Variants in UGGT2 observed in about 807,000 individuals in gnomAD.
The protein encoded by UGGT2 is UDP-glucose glycoprotein glucosyltransferase 2, also known as UDP-glucose:glycoprotein glucosyltransferase 2.
In UGGT2, 180 loss-of-function variants were observed where a neutral mutation model predicts 192.1. The observed-to-expected ratio is 0.94, with a 90% CI of 0.83 to 1.06. The LOEUF is 1.06. UGGT2 is among the 50% of genes least tolerant of loss of function. UGGT2 has a pLI of 0.00. For missense variants in UGGT2, 1,849 were observed against 1,795.7 expected, an observed-to-expected ratio of 1.03 and a Z score of -0.54; for synonymous variants, 580 against 591.0, an observed-to-expected ratio of 0.98 and a Z score of 0.27.
At chr13:96,049,171 T>C (rs1311178367) in intron 1 of UGGT2, among the ~76,000 whole-genome samples, 2 of 152,186 alleles carry the variant, frequency 1.3e-5, no homozygotes, top group Non-Finnish European at 2.9e-5. Context: ...GCAAGGCTGT[T>C]TCAACATATG....
intron 17 of UGGT2, among the ~76,000 whole-genome samples, chr13:95,932,064 T>C (rs2049299454): frequency 6.6e-6 from 1 of 152,232 alleles, no homozygotes; most frequent in Non-Finnish European, 1.5e-5. Flanking sequence ...TGGTTCCATA[T>C]TAATTTTAGA....
chr13:95,969,007 A>C (rs1707244), intron 12 of UGGT2, among the ~76,000 whole-genome samples: 147,854 of 152,214 alleles, frequency 0.97, 71,962 homozygotes, highest in East Asian at 1. Context: ...ACAGTTAGGA[A>C]CCTGAGCCAT....
intron 20 of UGGT2, among the ~76,000 whole-genome samples, chr13:95,918,781 A>T (rs183405442): frequency 1.4e-3 from 217 of 152,326 alleles, no homozygotes; most frequent in African/African-American, 4.8e-3. Flanking sequence ...TCACAGCTGA[A>T]TTCTACCAGA....
Position 95,893,706 on chromosome 13 carries a change from G to T in UGGT2, c.2855+856C>A, listed in dbSNP as rs910613567. Among the ~76,000 whole-genome samples the T allele has an allele frequency of 4.6e-5, 7 of 152,130 alleles. No homozygotes were observed. The East Asian group carries it at 1.3e-3, about 29-fold the overall frequency. ...GTATTTCTAGAGAAAATTACTAAAG[G>T]TGATAACTGTAAGACACTTGAGTGA... On this transcript the variant is annotated intron_variant, in intron 24 of 38. Transcript: ENST00000376747.
intron 5 of UGGT2, 23 bp from the exon 6 acceptor site, chr13:95,999,330 T>C (rs754073423): frequency 5.0e-6 from 8 of 1,605,906 alleles, no homozygotes; most frequent in Non-Finnish European, 6.8e-6. Flanking sequence ...ATTTATTTTA[T>C]AAAAAGCGAA....
At chr13:95,844,853 C>T (rs1688131131) in intron 36 of UGGT2, among the ~76,000 whole-genome samples, 5 of 152,032 alleles carry the variant, frequency 3.3e-5, no homozygotes, top group Non-Finnish European at 7.4e-5. Context: ...GAGTGGATAT[C>T]CTTGCTGTGT....
At chr13:95,828,724 C>A (rs3101571) in intron 38 of UGGT2, among the ~76,000 whole-genome samples, 18,618 of 152,060 alleles carry the variant, frequency 0.12, 1,633 homozygotes, top group East Asian at 0.34. Context: ...ATTCACAGTC[C>A]TATTCTACCA....
intron 12 of UGGT2, among the ~76,000 whole-genome samples, chr13:95,957,650 C>A (rs1439438049): frequency 1.3e-5 from 2 of 152,170 alleles, no homozygotes; most frequent in African/African-American, 4.8e-5. Flanking sequence ...ACTGCTCCTC[C>A]ACACACAGAG....
intron 2 of UGGT2, among the ~76,000 whole-genome samples, chr13:96,030,988 T>C (rs1402542865): frequency 6.6e-6 from 1 of 152,208 alleles, no homozygotes; most frequent in Non-Finnish European, 1.5e-5. Context: ...TCAGTATACA[T>C]TAGTCCAAAC....
intron 1 of UGGT2, among the ~76,000 whole-genome samples, chr13:96,047,380 A>G (rs1211021103): frequency 2.0e-5 from 3 of 152,252 alleles, no homozygotes; most frequent in Non-Finnish European, 2.9e-5. Context: ...GACCTCCAGC[A>G]AACTCCAACA....
chr13:95,881,420 TG>T (rs2047491691), intron 27 of UGGT2, among the ~76,000 whole-genome samples: 1 of 152,176 alleles, frequency 6.6e-6, no homozygotes, highest in African/African-American at 2.4e-5. Context: ...TCCCAAATTT[TG>T]TAAGTGTTTG....
At chr13:95,904,952 C>A (rs899193403) in intron 20 of UGGT2, among the ~76,000 whole-genome samples, 25 of 151,850 alleles carry the variant, frequency 1.6e-4, no homozygotes, top group African/African-American at 4.8e-4. Flanking sequence ...TCCTCTCCAG[C>A]ACCTGTTGTT....
intron 36 of UGGT2, among the ~76,000 whole-genome samples, chr13:95,839,241 T>C (rs965066709): frequency 6.6e-6 from 1 of 152,116 alleles, no homozygotes; most frequent in African/African-American, 2.4e-5. Context: ...ATTATATATA[T>C]GGGTCTACTC....
At chr13:96,043,544 C>A (rs924612735) in intron 1 of UGGT2, among the ~76,000 whole-genome samples, 7 of 151,990 alleles carry the variant, frequency 4.6e-5, no homozygotes, top group East Asian at 1.9e-4. Context: ...ATGTAAAGGG[C>A]CTAAATGCTC....
At chr13:95,901,580 G>A (rs1001007384) in intron 21 of UGGT2, among the ~76,000 whole-genome samples, 2 of 151,964 alleles carry the variant, frequency 1.3e-5, no homozygotes, top group African/African-American at 4.8e-5. Context: ...GTAGAATCCA[G>A]GCCTTAAATT....
At chr13:95,918,075 C>T (rs953291144) in intron 20 of UGGT2, among the ~76,000 whole-genome samples, 1 of 152,336 alleles carries the variant, frequency 6.6e-6, no homozygotes, top group South Asian at 2.1e-4. Flanking sequence ...CAAAACCCAA[C>T]AGAATATACA....
At chr13:95,824,133 C>T (rs959471860) in intron 38 of UGGT2, among the ~76,000 whole-genome samples, 1 of 152,088 alleles carries the variant, frequency 6.6e-6, no homozygotes, top group African/African-American at 2.4e-5. Context: ...TCCCTTCTAG[C>T]TTATAAGGTT....
intron 20 of UGGT2, among the ~76,000 whole-genome samples, chr13:95,907,290 C>G (rs986353816): frequency 9.2e-5 from 14 of 152,320 alleles, no homozygotes; most frequent in African/African-American, 3.1e-4. Flanking sequence ...CGCAGCTCAG[C>G]GAGGCCTACT....
At chr13:95,924,393 C>CATT (rs2048947934) in intron 20 of UGGT2, among the ~76,000 whole-genome samples, 1 of 63,358 alleles carries the variant, frequency 1.6e-5, no homozygotes, top group Non-Finnish European at 3.2e-5. Flanking sequence ...TCCCAAACAG[C>CATT]TTTTTTTTTT....
Sources: gnomAD v4.1 joint callset for allele counts (sites outside exome capture counted in the v4.1 genomes callset) on GRCh38, gnomAD v4.1.1 for gene constraint, MANE v1.5 for transcripts, NCBI Gene and HGNC (gene_info 2026-07-23, HGNC 2026-07-21) for gene names.